SGK1: variants seen among roughly 807,000 people sequenced by gnomAD.
The protein encoded by SGK1 is serum/glucocorticoid regulated kinase 1.
SGK1 carries 26 observed loss-of-function variants against 64.2 expected under a neutral mutation model. The observed-to-expected ratio is 0.40, with a 90% CI of 0.30 to 0.56. The LOEUF is 0.56. Among genes scored for constraint, SGK1 ranks in the 20% least tolerant of loss-of-function variants. SGK1 has a pLI of 0.38. For synonymous variants in SGK1, 265 were observed against 239.7 expected (o/e 1.11, Z -0.98); for missense variants, 519 against 645.6 (o/e 0.80, Z 2.12).
At chr6:134,206,383 ATTTTTTTTTTTTTTT>A (rs869072819) in intron 3 of SGK1, among the ~76,000 whole-genome samples, 1 of 16,614 alleles carries the variant, frequency 6.0e-5, no homozygotes, top group Admixed American at 1.0e-3. Context: ...ATATATATAT[ATTTTTTTTTTTTTTT>A]TTTTTTTTTA....
chr6:134,274,866 C>T (rs1776997005), intron 1 of SGK1, among the ~76,000 whole-genome samples: 2 of 151,862 alleles, frequency 1.3e-5, no homozygotes, highest in African/African-American at 4.8e-5. Context: ...AGTGCAGTGG[C>T]GCAATCTTGG....
chr6:134,293,639 A>G (rs1234801669), intron 1 of SGK1, among the ~76,000 whole-genome samples: 1 of 152,222 alleles, frequency 6.6e-6, no homozygotes, highest in African/African-American at 2.4e-5. Flanking sequence ...CACATTGGTT[A>G]TCTTTCGTGA....
At chr6:134,194,403 T>C (rs1775564927) in intron 3 of SGK1, among the ~76,000 whole-genome samples, 1 of 152,194 alleles carries the variant, frequency 6.6e-6, no homozygotes, top group African/African-American at 2.4e-5. Context: ...AAATGCTCCC[T>C]GTCCACCTAT....
chr6:134,191,834 G>GTTTTTTTTTTT (rs1491153978), intron 3 of SGK1, among the ~76,000 whole-genome samples: 42 of 17,258 alleles, frequency 2.4e-3, no homozygotes, highest in South Asian at 5.7e-3. Flanking sequence ...ACGCCCGGCT[G>GTTTTTTTTTTT]ATTTTTTTTT....
At chr6:134,218,434 TTTC>T (rs1776023225) in intron 2 of SGK1, among the ~76,000 whole-genome samples, 1 of 90,390 alleles carries the variant, frequency 1.1e-5, no homozygotes, top group Non-Finnish European at 2.4e-5. Flanking sequence ...TCTTTCTTTT[TTTC>T]TTTTTTTTTT....
At chr6:134,270,954 A>G (rs747905069) in intron 1 of SGK1, among the ~76,000 whole-genome samples, 2 of 138,174 alleles carry the variant, frequency 1.4e-5, no homozygotes, top group Non-Finnish European at 3.1e-5. Flanking sequence ...TTAAATAGAT[A>G]AAGTGCAGGA....
chr6:134,174,853 T>G (rs774471206), intron 3 of SGK1: 8 of 1,612,464 alleles, frequency 5.0e-6, no homozygotes, highest in Non-Finnish European at 6.8e-6. Context: ...AAAGACCGGC[T>G]CGGCGTATGC....
In SGK1 at chr6:134,176,164, G is replaced by C. The variant is rs148014792; in HGVS notation, c.362-1578C>G. Among the ~76,000 whole-genome samples, 735 of 152,214 alleles carry C rather than the reference G, an allele frequency of 4.8e-3. 5 individuals carry two copies. The highest frequency in any genetic ancestry group is 0.017 in the African/African-American group (689 of 41,520). ...GACCTGGCGTGAACCGGGCATCCTC[G>C]ATTCCTCTGTGGGGCCTGCTCCTCT... On this transcript the variant is annotated intron_variant, in intron 3 of 13. Transcript: ENST00000367858.
chr6:134,174,839 G>C (rs560515744), intron 3 of SGK1: 2 of 1,613,396 alleles, frequency 1.2e-6, no homozygotes, highest in South Asian at 1.1e-5. Flanking sequence ...AGACGTTAGC[G>C]CTCAAAGACC....
At chr6:134,200,541 C>T (rs974281550) in intron 3 of SGK1, among the ~76,000 whole-genome samples, 1 of 152,170 alleles carries the variant, frequency 6.6e-6, no homozygotes, top group African/African-American at 2.4e-5. Context: ...TTCACAAAAT[C>T]ATGTTTTTAT....
At position 134,218,102 on chromosome 6, in the gene SGK1, T is replaced by C. The variant is rs531727793; in HGVS notation, c.286-10671A>G. On this transcript the variant is annotated intron_variant, in intron 2 of 13. Transcript: ENST00000367858. ...CTAGTAGAGTTCAGAGGATCAGAGA[T>C]TTGGGGACCTGAAGGGGGTCTTTTA... 9.2e-5 allele frequency among the ~76,000 whole-genome samples: 14 copies of C among 152,294 alleles called. No homozygotes were observed. In the South Asian group the frequency reaches 2.1e-3, roughly 23 times the overall value.
chr6:134,173,940 A>G, intron 5 of SGK1, 65 bp downstream of exon 5: 1 of 1,077,132 alleles, frequency 9.3e-7, no homozygotes, highest in Non-Finnish European at 1.4e-6. Flanking sequence ...TAATCCATTA[A>G]TGTAGGAATA....
chr6:134,184,007 G>A (rs965930073), intron 3 of SGK1, among the ~76,000 whole-genome samples: 5 of 152,012 alleles, frequency 3.3e-5, no homozygotes, highest in African/African-American at 7.2e-5. Context: ...TAATCAGGTC[G>A]CTGCCTGCCC....
intron 3 of SGK1, among the ~76,000 whole-genome samples, chr6:134,179,898 T>G (rs1244672309): frequency 6.6e-6 from 1 of 152,144 alleles, no homozygotes; most frequent in Non-Finnish European, 1.5e-5. Context: ...AGGGGATAAA[T>G]TAAAGAGAAG....
intron 1 of SGK1, among the ~76,000 whole-genome samples, chr6:134,303,252 C>T (rs111851860): frequency 7.9e-5 from 12 of 151,678 alleles, no homozygotes; most frequent in East Asian, 2.0e-4. Context: ...ATTAGCGGGG[C>T]GTGGTGGCAG....
chr6:134,308,719 G>T (rs2114800197), intron 1 of SGK1, among the ~76,000 whole-genome samples: 1 of 152,144 alleles, frequency 6.6e-6, no homozygotes, highest in East Asian at 1.9e-4. Flanking sequence ...ACCACACCCT[G>T]CTAATTTTTG....
chr6:134,181,733 T>C (rs1392246739), intron 3 of SGK1, among the ~76,000 whole-genome samples: 2 of 152,212 alleles, frequency 1.3e-5, no homozygotes, highest in Non-Finnish European at 2.9e-5. Flanking sequence ...GACTGTTTCC[T>C]GTAAACTCTG....
intron 1 of SGK1, among the ~76,000 whole-genome samples, chr6:134,315,676 A>C (rs1031507788): frequency 6.6e-6 from 1 of 152,222 alleles, no homozygotes; most frequent in Non-Finnish European, 1.5e-5. Context: ...CAGTAATTAA[A>C]AGGCAATAGA....
chr6:134,191,241 A>AT (rs1380876690), intron 3 of SGK1, among the ~76,000 whole-genome samples: 4 of 152,180 alleles, frequency 2.6e-5, no homozygotes, highest in African/African-American at 9.7e-5. Context: ...CACTAGCCTC[A>AT]TTTTATGCTA....
Sources: allele counts gnomAD v4.1 joint callset (sites outside exome capture counted in the v4.1 genomes callset), GRCh38; gene constraint gnomAD v4.1.1; transcripts MANE v1.5; gene names NCBI Gene and HGNC (gene_info 2026-07-23, HGNC 2026-07-21).